GPS1: variants seen among roughly 807,000 people sequenced by gnomAD.
GPS1 encodes the protein COP9 signalosome complex subunit 1.
A neutral mutation model predicts 60.0 loss-of-function variants in GPS1; 11 were observed. The observed-to-expected ratio is 0.18, with a 90% CI of 0.12 to 0.30. GPS1 has a LOEUF of 0.30. GPS1 is among the 10% of genes least tolerant of loss of function. The pLI, the probability that GPS1 is intolerant of heterozygous loss-of-function variation, is 1.00. For missense variants in GPS1, 543 were observed against 669.2 expected, an observed-to-expected ratio of 0.81 and a Z score of 2.08; for synonymous variants, 343 against 269.8, an observed-to-expected ratio of 1.27 and a Z score of -2.66.
chr17:82,056,954 C>G lies in GPS1; in HGVS notation c.1369C>G (p.Arg457Gly), dbSNP rs771848288. 6.2e-7 allele frequency: 1 copy of G among 1,612,866 alleles called. No homozygotes were observed. The highest frequency in any genetic ancestry group is 1.1e-5 in the South Asian group (1 of 91,084). ...CATGATGCTGCGGGCAGCTGTGCTC[C>G]GCAACCAGATCCATGTCAAGGTGGG... The part of the protein sequence containing the change: ...KAMMLRAAVL[R>G]NQIHVKSPPR... The change falls in exon 12 of 13, where the codon CGC becomes GGC. Residue 457 changes from arginine to glycine, a missense_variant. Physicochemically the swap from Arg to Gly is moderately radical, Grantham distance 125. Coordinates refer to ENST00000578552, the MANE Select transcript of GPS1 (RefSeq NM_001321092.3).
upstream of GPS1, chr17:82,051,279 G>C (rs554307013): frequency 1.5e-6 from 2 of 1,370,138 alleles, no homozygotes; most frequent in Non-Finnish European, 1.9e-6. The surrounding 1 kb of genome is among the most constrained non-coding windows in gnomAD (Gnocchi z 4.1). Flanking sequence ...GCGCCGGGGA[G>C]TGGGGGACAC....
At chr17:82,053,558 T>C (rs7212485) in intron 2 of GPS1, 192 bp downstream of exon 2, 244,690 of 510,860 alleles carry the variant, frequency 0.48, 62,273 homozygotes, top group Non-Finnish European at 0.54. Flanking sequence ...CTTCAGATGC[T>C]GCTCATGGAG....
rs560239680 is a variant in GPS1 at position 82,056,039 on chromosome 17, G to A, written c.873G>A (p.Leu291=). ...GCAACGTGGCCATCTACGGTGGCCT[G>A]TGCGCCTTGGCTACCTTTGACCGGC... ...SPSNVAIYGG[L]CALATFDRQE... Residue 291 remains leucine (L), a synonymous_variant, in exon 8 of 13, where the codon CTG becomes CTA. Coordinates refer to ENST00000578552, the MANE Select transcript of GPS1 (RefSeq NM_001321092.3). 3 of 1,612,814 alleles carry A rather than the reference G, an allele frequency of 1.9e-6. No individual in the cohort carries two copies. The highest frequency in any genetic ancestry group is 2.7e-5 in the African/African-American group (2 of 75,064).
At chr17:82,055,266 TGC>T in intron 6 of GPS1, 44 bp downstream of exon 6, 1 of 1,539,232 alleles carries the variant, frequency 6.5e-7, no homozygotes, top group South Asian at 1.2e-5. Context: ...GTTCCCCTGT[TGC>T]TAAGTCCTCC....
Position 82,051,899 on chromosome 17 carries a change from G to A in GPS1, c.-33G>A. ...AAGCGACGGCTTCGCTGCCCCGGAA[G>A]TGGACGGCACGCCGCGGCGGGGTGG... is the stretch of plus-strand genomic sequence containing the variant. On this transcript the variant is annotated 5_prime_UTR_variant, in exon 1 of 13. In the 5' UTR this introduces an upstream ATG that the reference lacks. Coordinates refer to ENST00000578552, the MANE Select transcript of GPS1 (RefSeq NM_001321092.3). This position sits in a 1 kb window ranked among gnomAD's most constrained non-coding sequence, Gnocchi z 4.1. The A allele has an allele frequency of 1.7e-6, 2 of 1,160,516 alleles. No individual in the cohort carries two copies. Among genetic ancestry groups the A allele is most frequent in the East Asian group, 3.9e-5 (1 of 25,782 alleles). 71.9% of individuals were successfully genotyped at this position (1,160,516 alleles called of 1,614,324 possible).
At chr17:82,053,565 G>A (rs1222366817) in intron 2 of GPS1, 199 bp downstream of exon 2, 5 of 516,206 alleles carry the variant, frequency 9.7e-6, no homozygotes, top group African/African-American at 3.9e-5. Context: ...TGCTGCTCAT[G>A]GAGAAGCCAG....
chr17:82,056,160 C>G, intron 8 of GPS1, 65 bp downstream of exon 8: 1 of 1,425,116 alleles, frequency 7.0e-7, no homozygotes, highest in East Asian at 2.3e-5. Context: ...GCTGCTTCGG[C>G]CTTGCATGTC....
At chr17:82,053,659 A>C (rs890989209) in intron 2 of GPS1, 1 of 581,840 alleles carries the variant, frequency 1.7e-6, no homozygotes, top group Non-Finnish European at 3.0e-6. Context: ...GCAGGGTCCC[A>C]CTCCTGAGGC....
intron 10 of GPS1, 24 bp from the exon 11 acceptor site, chr17:82,056,605 A>G: frequency 1.2e-6 from 2 of 1,612,214 alleles, no homozygotes; most frequent in Non-Finnish European, 1.7e-6. Context: ...GGGGCTGTGG[A>G]GCTGACTTCC....
chr17:82,051,529 G>T (rs1273072952), upstream of GPS1: 1 of 1,398,692 alleles, frequency 7.1e-7, no homozygotes, highest in Non-Finnish European at 9.3e-7. This position sits in a 1 kb window ranked among gnomAD's most constrained non-coding sequence, Gnocchi z 4.1. Context: ...ATCCAGGTGC[G>T]CAGCAGCAGC....
chr17:82,055,361 A>G (rs1178230841), intron 6 of GPS1, 139 bp downstream of exon 6: 1 of 837,624 alleles, frequency 1.2e-6, no homozygotes, highest in East Asian at 2.7e-5. Context: ...GCACATGTAC[A>G]GGTGTAGGTG....
intron 4 of GPS1, 24 bp downstream of exon 4, chr17:82,054,834 G>A (rs775565772): frequency 1.3e-6 from 2 of 1,579,262 alleles, no homozygotes; most frequent in African/African-American, 1.3e-5. Context: ...GGCGGGCGGG[G>A]GTGGGCAGCA....
intron 1 of GPS1, chr17:82,053,027 G>A (rs1335565621): frequency 2.0e-5 from 7 of 356,550 alleles, no homozygotes; most frequent in Non-Finnish European, 3.5e-5. Flanking sequence ...CTAGAATCAG[G>A]CGAGGGGTTT....
Position 82,054,553 on chromosome 17 carries a change from G to T in GPS1, c.352G>T (p.Glu118Ter). The change falls in exon 4 of 13, where the codon GAG (glutamate) becomes TAG (stop). Residue 118 changes from glutamate to a stop codon, truncating the protein, a stop_gained. Transcript: ENST00000578552. LOFTEE classifies it high-confidence loss of function. ...APDAIPESGV[E>*]PPALDTAWVE... ...CGACGCCATCCCTGAGAGCGGCGTG[G>T]AGCCCCCAGCCCTGGACACGGCCTG... 6.3e-7 allele frequency: 1 copy of T among 1,580,532 alleles called. No individual in the cohort carries two copies.
chr17:82,052,652 C>T (rs1000349452), intron 1 of GPS1: 10 of 659,520 alleles, frequency 1.5e-5, no homozygotes, highest in Admixed American at 1.2e-4. Context: ...CCCGAAGGAG[C>T]GCGGGAGGCC....
rs1303865587 is a variant in GPS1, at chr17:82,055,995, C to T, written c.835-6C>T. 1.9e-6 allele frequency: 3 copies of T among 1,605,256 alleles called. No homozygotes were observed. Among genetic ancestry groups the T allele is most frequent in the Non-Finnish European group, 1.7e-6 (2 of 1,173,266 alleles). Reference sequence around the variant, plus strand: ...CTGCCTGTGACGCCAGGTCTCTGCTCCTCAGCTGCTGTCCCCCAGCAACGT... The same window carrying T: ...CTGCCTGTGACGCCAGGTCTCTGCTTCTCAGCTGCTGTCCCCCAGCAACGT... On this transcript the variant is annotated splice_region_variant and splice_polypyrimidine_tract_variant and intron_variant, in intron 7 of 12. Coordinates refer to ENST00000578552, the MANE Select transcript of GPS1 (RefSeq NM_001321092.3).
chr17:82,057,302 C>A lies in GPS1; in HGVS notation c.*175C>A. On this transcript the variant is annotated 3_prime_UTR_variant, in exon 13 of 13. Transcript: ENST00000578552. ...AGGCAGGCGGCTGCTAGTTGTGGCC[C>A]TTCCTGGAAGGAGAGGCCTGCAGGG... is the stretch of plus-strand genomic sequence containing the variant. 1.2e-6 allele frequency: 1 copy of A among 863,150 alleles called. No individual in the cohort carries two copies. Among genetic ancestry groups the A allele is most frequent in the African/African-American group, 1.7e-5 (1 of 60,112 alleles). The allele number at this position is 863,150 out of a possible 1,614,324, so 53.5% of individuals were successfully genotyped here.
In GPS1 at chr17:82,056,858, G is replaced by A; in HGVS notation, c.1273G>A (p.Val425Met). 2 of 1,612,760 alleles carry A rather than the reference G, an allele frequency of 1.2e-6. No homozygotes were observed. Among genetic ancestry groups the A allele is most frequent in the Non-Finnish European group, 1.7e-6 (2 of 1,179,908 alleles). ...SHSKILYARD[V>M]DQRSTTFEKS... ...TGCACAGATCCTATACGCCCGGGAC[G>A]TGGATCAGCGCAGCACCACCTTTGA... is the stretch of plus-strand genomic sequence containing the variant. The change falls in exon 12 of 13, where the codon GTG (valine) becomes ATG (methionine). Residue 425 changes from valine to methionine, a missense_variant. Val to Met is a conservative substitution (Grantham distance 21, BLOSUM62 1). Transcript: ENST00000578552.
rs774041060 is a variant in GPS1, at chr17:82,057,331, G to A, written c.*204G>A. On this transcript the variant is annotated 3_prime_UTR_variant, in exon 13 of 13. Coordinates refer to ENST00000578552, the MANE Select transcript of GPS1 (RefSeq NM_001321092.3). ...CTGGAAGGAGAGGCCTGCAGGGCTC[G>A]ACCCTGTGGGTTTCTGTCCCCAGGG... 6 of 745,310 alleles carry A rather than the reference G, an allele frequency of 8.1e-6. No individual in the cohort carries two copies. Among genetic ancestry groups the A allele is most frequent in the South Asian group, 7.4e-5 (5 of 67,658 alleles). 46.2% of individuals were successfully genotyped at this position (745,310 alleles called of 1,614,324 possible).
Sources: gnomAD v4.1 joint callset for allele counts on GRCh38, gnomAD v4.1.1 for gene constraint, Gnocchi (gnomAD v3.1) non-coding constraint, MANE v1.5 for transcripts, NCBI Gene and HGNC (gene_info 2026-07-23, HGNC 2026-07-21) for gene names.